PRKACB: variants seen among roughly 807,000 people sequenced by gnomAD.
The protein encoded by PRKACB is protein kinase cAMP-activated catalytic subunit beta, also known as cAMP-dependent protein kinase catalytic subunit beta.
In PRKACB, 16 loss-of-function variants were observed where a neutral mutation model predicts 51.4. The observed-to-expected ratio is 0.31, with a 90% CI of 0.21 to 0.47. PRKACB has a LOEUF of 0.47. Ranked by LOEUF, PRKACB falls within the 20% of genes least tolerant of loss-of-function variation. The pLI is 1.00. For synonymous variants in PRKACB, 147 were observed against 154.4 expected (o/e 0.95, Z 0.35); for missense variants, 309 against 464.5 (o/e 0.67, Z 3.08).
At chr1:84,185,066 T>C (rs202074475) in intron 4 of PRKACB, 34 bp from the exon 5 acceptor site, 3 of 1,294,926 alleles carry the variant, frequency 2.3e-6, no homozygotes, top group East Asian at 5.5e-5. Context: ...TGACCTAAGT[T>C]GAATAATTGT....
chr1:84,174,017 A>C (rs1660405375), intron 1 of PRKACB, among the ~76,000 whole-genome samples: 1 of 151,754 alleles, frequency 6.6e-6, no homozygotes, highest in Non-Finnish European at 1.5e-5. Context: ...TTAGCAAAAG[A>C]TCTTGCCTTC....
intron 1 of PRKACB, among the ~76,000 whole-genome samples, chr1:84,087,848 G>A (rs945227042): frequency 6.6e-6 from 1 of 152,032 alleles, no homozygotes; most frequent in Non-Finnish European, 1.5e-5. Context: ...GCTTTTAGTG[G>A]ATTTCTTTAT....
intron 8 of PRKACB, among the ~76,000 whole-genome samples, chr1:84,210,342 A>G (rs954298028): frequency 1.3e-5 from 2 of 152,226 alleles, no homozygotes; most frequent in African/African-American, 4.8e-5. Context: ...CTTCCATGTT[A>G]AATGATGCCA....
chr1:84,107,716 G>A (rs751025463), intron 1 of PRKACB, among the ~76,000 whole-genome samples: 1 of 151,826 alleles, frequency 6.6e-6, no homozygotes. Flanking sequence ...ACATACATGC[G>A]GCCAACAAAC....
chr1:84,132,412 T>G (rs1652325103), intron 1 of PRKACB, among the ~76,000 whole-genome samples: 1 of 152,138 alleles, frequency 6.6e-6, no homozygotes, highest in Non-Finnish European at 1.5e-5. Flanking sequence ...CTGGCCAGAT[T>G]AACAAATCCA....
chr1:84,232,276 G>A (rs1675822637), intron 9 of PRKACB, among the ~76,000 whole-genome samples: 1 of 151,898 alleles, frequency 6.6e-6, no homozygotes. Flanking sequence ...TTGCACTGTG[G>A]TCTGAGAGAT....
chr1:84,089,111 T>C (rs192046178), intron 1 of PRKACB, among the ~76,000 whole-genome samples: 1 of 152,248 alleles, frequency 6.6e-6, no homozygotes, highest in African/African-American at 2.4e-5. Flanking sequence ...GTCTATGTTG[T>C]TTAGTGTTTT....
intron 1 of PRKACB, among the ~76,000 whole-genome samples, chr1:84,102,405 A>C (rs1402675292): frequency 1.3e-5 from 2 of 152,008 alleles, no homozygotes; most frequent in East Asian, 3.9e-4. Flanking sequence ...TAAAAAATGA[A>C]AACAAAAATG....
chr1:84,105,541 G>C (rs1351994841), intron 1 of PRKACB, among the ~76,000 whole-genome samples: 1 of 146,298 alleles, frequency 6.8e-6, no homozygotes, highest in Non-Finnish European at 1.5e-5. Flanking sequence ...ACCACTGTTA[G>C]CATTTATTTA....
At chr1:84,164,569 C>G (rs2100723921) in intron 1 of PRKACB, 1 of 1,397,890 alleles carries the variant, frequency 7.2e-7, no homozygotes, top group Non-Finnish European at 9.6e-7. Flanking sequence ...TGGATTAAAG[C>G]TTTAGAAAAG....
intron 8 of PRKACB, among the ~76,000 whole-genome samples, chr1:84,204,206 G>A (rs1054248904): frequency 2.0e-5 from 3 of 147,746 alleles, no homozygotes; most frequent in Non-Finnish European, 3.1e-5. Flanking sequence ...ATTTTGCCAC[G>A]TTTTATGTAG....
chr1:84,079,169 G>A (rs1647329331), intron 1 of PRKACB, among the ~76,000 whole-genome samples: 1 of 152,142 alleles, frequency 6.6e-6, no homozygotes, highest in Non-Finnish European at 1.5e-5. Flanking sequence ...GTGTGTTTGT[G>A]TGTGCATGTA....
intron 5 of PRKACB, among the ~76,000 whole-genome samples, chr1:84,196,238 C>A (rs1668209534): frequency 1.3e-5 from 2 of 152,060 alleles, no homozygotes. Flanking sequence ...GTAGATGGAG[C>A]CTGTTAACTA....
In PRKACB at chr1:84,208,464, C is replaced by T. The variant is rs183583167; in HGVS notation, c.906+5659C>T. Among the ~76,000 whole-genome samples the T allele has an allele frequency of 9.9e-5, 15 of 152,234 alleles. No individual in the cohort carries two copies. The East Asian group carries it at 2.5e-3, about 25-fold the overall frequency. ...AAATTTATAGTAAGACATTTTCTCCCTCACTTTATCAAACTTAGGACCTTA... is the reference window on the plus strand; with the variant it reads ...AAATTTATAGTAAGACATTTTCTCCTTCACTTTATCAAACTTAGGACCTTA... On this transcript the variant is annotated intron_variant, in intron 8 of 9. Coordinates refer to ENST00000370685, the MANE Select transcript of PRKACB (RefSeq NM_182948.4).
chr1:84,078,490 G>A, intron 1 of PRKACB: 1 of 1,202,068 alleles, frequency 8.3e-7, no homozygotes, highest in Non-Finnish European at 1.2e-6. Flanking sequence ...CGGCCGCCGG[G>A]AGTCGTTCTG....
intron 1 of PRKACB, among the ~76,000 whole-genome samples, chr1:84,124,857 A>G (rs966529546): frequency 4.7e-4 from 72 of 152,278 alleles, no homozygotes; most frequent in African/African-American, 1.7e-3. Context: ...AAATTTTCTC[A>G]TCAACACGAA....
intron 8 of PRKACB, among the ~76,000 whole-genome samples, chr1:84,203,800 T>G (rs1314894985): frequency 4.6e-5 from 7 of 152,004 alleles, no homozygotes; most frequent in Admixed American, 4.6e-4. Context: ...GAGGTTTTTT[T>G]GTTTTATTTT....
intron 5 of PRKACB, among the ~76,000 whole-genome samples, chr1:84,186,239 G>C (rs1472414344): frequency 6.6e-6 from 1 of 151,154 alleles, no homozygotes; most frequent in Non-Finnish European, 1.5e-5. Context: ...TTTTTTTTGA[G>C]ACTGAGTCTC....
intron 9 of PRKACB, among the ~76,000 whole-genome samples, chr1:84,229,047 CA>C (rs1675128462): frequency 6.8e-6 from 1 of 146,878 alleles, no homozygotes; most frequent in Non-Finnish European, 1.5e-5. Context: ...CGTCATCTAG[CA>C]TTAGGTATAT....
Sources: allele counts gnomAD v4.1 joint callset (sites outside exome capture counted in the v4.1 genomes callset), GRCh38; gene constraint gnomAD v4.1.1; transcripts MANE v1.5; gene names NCBI Gene and HGNC (gene_info 2026-07-23, HGNC 2026-07-21).